Variants in FER1L6 observed in about 807,000 individuals in gnomAD.
FER1L6 encodes fer-1-like protein 6.
FER1L6 carries 177 observed loss-of-function variants against 219.2 expected under a neutral mutation model. The ratio of observed to expected loss-of-function variants is 0.81; its 90% CI spans 0.71 to 0.91. The LOEUF (loss-of-function observed/expected upper bound fraction) is 0.91, where lower values mean the gene tolerates loss of function less well. FER1L6 is among the 40% of genes least tolerant of loss of function. The pLI is 0.00. For synonymous variants in FER1L6, 768 were observed against 824.3 expected, an observed-to-expected ratio of 0.93 and a Z score of 1.17; for missense variants, 2,153 against 2,259.9, an observed-to-expected ratio of 0.95 and a Z score of 0.96.
At chr8:123,942,763 T>A (rs749028256) in intron 1 of FER1L6, among the ~76,000 whole-genome samples, 8 of 152,262 alleles carry the variant, frequency 5.3e-5, no homozygotes, top group Admixed American at 6.5e-5. Flanking sequence ...TAATTATATC[T>A]GCAAAGATTC....
intron 28 of FER1L6, 36 bp from the exon 29 acceptor site, chr8:124,069,324 G>T (rs201782547): frequency 1.4e-6 from 2 of 1,479,426 alleles, no homozygotes; most frequent in South Asian, 1.1e-5. Context: ...CATCTCAACC[G>T]CCATGAGAAA....
intron 18 of FER1L6, among the ~76,000 whole-genome samples, chr8:124,025,808 C>T (rs1481550854): frequency 6.6e-6 from 1 of 151,428 alleles, no homozygotes; most frequent in East Asian, 1.9e-4. Flanking sequence ...AATCCATGAG[C>T]ATGGGAGGTA....
chr8:124,086,005 T>C (rs1224139664), intron 33 of FER1L6, among the ~76,000 whole-genome samples: 1 of 152,214 alleles, frequency 6.6e-6, no homozygotes, highest in East Asian at 1.9e-4. Context: ...TTGAAATCTA[T>C]GTTGTTTTAT....
chr8:124,106,328 C>CAAAAAAAA (rs71289636), intron 39 of FER1L6, among the ~76,000 whole-genome samples: 4 of 63,856 alleles, frequency 6.3e-5, no homozygotes, highest in Admixed American at 2.9e-4. Context: ...GACTCTGTCT[C>CAAAAAAAA]AAAAAAAAAA....
intron 20 of FER1L6, among the ~76,000 whole-genome samples, chr8:124,044,441 A>G (rs2130751482): frequency 6.6e-6 from 1 of 152,340 alleles, no homozygotes; most frequent in Non-Finnish European, 1.5e-5. Flanking sequence ...AGAGCAATAA[A>G]AATATTCCTT....
At chr8:124,003,426 G>GCTGA in intron 13 of FER1L6, 79 bp downstream of exon 13, 1 of 286,640 alleles carries the variant, frequency 3.5e-6, no homozygotes, top group Non-Finnish European at 6.4e-6. Flanking sequence ...GTTTTCTTCA[G>GCTGA]TTCTTCACTA....
chr8:124,037,227 G>A (rs555509384), intron 19 of FER1L6, among the ~76,000 whole-genome samples: 4 of 152,230 alleles, frequency 2.6e-5, no homozygotes, highest in Non-Finnish European at 5.9e-5. Flanking sequence ...AAATTACAGG[G>A]TTAGCCATTT....
intron 39 of FER1L6, among the ~76,000 whole-genome samples, chr8:124,112,799 A>G (rs1823076616): frequency 6.6e-6 from 1 of 152,206 alleles, no homozygotes; most frequent in Non-Finnish European, 1.5e-5. Context: ...GGATGGTGGT[A>G]GATAGATCAT....
chr8:124,063,492 C>T (rs1820684912), intron 25 of FER1L6, among the ~76,000 whole-genome samples: 3 of 151,886 alleles, frequency 2.0e-5, no homozygotes, highest in African/African-American at 7.3e-5. Flanking sequence ...CTGCAGTTTT[C>T]TCCACATAGA....
At chr8:124,023,642 T>A in intron 18 of FER1L6, 46 bp downstream of exon 18, 5 of 1,596,760 alleles carry the variant, frequency 3.1e-6, no homozygotes, top group Non-Finnish European at 4.3e-6. Context: ...TTTCTGTTTC[T>A]CTAGGGTGGC....
At chr8:123,925,664 A>G (rs4413758) in intron 1 of FER1L6, 61,829 of 152,070 alleles carry the variant, frequency 0.41, 12,929 homozygotes, top group South Asian at 0.53. Flanking sequence ...AGAAGTTTCA[A>G]TATTTCCTTC....
intron 1 of FER1L6, among the ~76,000 whole-genome samples, chr8:123,865,385 G>A (rs1816816529): frequency 6.7e-6 from 1 of 150,136 alleles, no homozygotes; most frequent in Non-Finnish European, 1.5e-5. Flanking sequence ...TCTCTTCAAA[G>A]CTGTCAGACA....
intron 1 of FER1L6, among the ~76,000 whole-genome samples, chr8:123,869,609 A>G (rs1370174458): frequency 3.9e-5 from 6 of 152,230 alleles, no homozygotes; most frequent in Non-Finnish European, 7.3e-5. Flanking sequence ...TTAAGATGTC[A>G]ATTCTTCCCA....
chr8:123,955,899 T>A, intron 1 of FER1L6, 93 bp from the exon 2 acceptor site: 1 of 1,191,878 alleles, frequency 8.4e-7, no homozygotes, highest in South Asian at 1.4e-5. Context: ...CTGGTGGGCT[T>A]CATGAAGCTC....
chr8:124,019,581 G>C (rs1163479058), intron 16 of FER1L6, among the ~76,000 whole-genome samples: 3 of 152,172 alleles, frequency 2.0e-5, no homozygotes, highest in African/African-American at 7.2e-5. Flanking sequence ...TAGATGCTGG[G>C]AACAAAGCTA....
At chr8:123,922,425 C>T (rs1813393889) in intron 1 of FER1L6, among the ~76,000 whole-genome samples, 1 of 152,222 alleles carries the variant, frequency 6.6e-6, no homozygotes, top group Admixed American at 6.5e-5. Flanking sequence ...GCAAGAGAAG[C>T]TGGTGTGCCA....
chr8:124,108,675 G>C (rs1486878151), intron 39 of FER1L6, among the ~76,000 whole-genome samples: 1 of 151,964 alleles, frequency 6.6e-6, no homozygotes, highest in Non-Finnish European at 1.5e-5. Flanking sequence ...CCCAGAATTT[G>C]AGACCAGCCT....
chr8:124,003,468 T>TC, intron 13 of FER1L6, 121 bp downstream of exon 13: 8 of 733,180 alleles, frequency 1.1e-5, no homozygotes, highest in Non-Finnish European at 1.7e-5. Flanking sequence ...TTTTTTTTTT[T>TC]TTTTTTTTTT....
chr8:123,909,304 A>T (rs1813011527), intron 1 of FER1L6, among the ~76,000 whole-genome samples: 1 of 152,064 alleles, frequency 6.6e-6, no homozygotes, highest in Admixed American at 6.6e-5. Flanking sequence ...AAAAAAGTGG[A>T]TAGAGTGAAA....
Sources: allele counts gnomAD v4.1 joint callset (sites outside exome capture counted in the v4.1 genomes callset), GRCh38; gene constraint gnomAD v4.1.1; transcripts MANE v1.5; gene names NCBI Gene and HGNC (gene_info 2026-07-23, HGNC 2026-07-21).